Variants in CDH8 observed in about 807,000 individuals in gnomAD.
CDH8 encodes the protein cadherin-8.
Under a neutral mutation model 68.1 loss-of-function variants are expected in CDH8, and 17 were observed. The ratio of observed to expected loss-of-function variants is 0.25; its 90% CI spans 0.17 to 0.37. The LOEUF (loss-of-function observed/expected upper bound fraction) is 0.37. Among genes scored for constraint, CDH8 ranks in the 10% least tolerant of loss-of-function variants. CDH8 has a pLI of 1.00. For missense variants in CDH8, 763 were observed against 999.3 expected, an observed-to-expected ratio of 0.76 and a Z score of 3.19; for synonymous variants, 372 against 365.1, an observed-to-expected ratio of 1.02 and a Z score of -0.21.
At chr16:61,845,397 T>C (rs1266947400) in intron 4 of CDH8, among the ~76,000 whole-genome samples, 1 of 149,156 alleles carries the variant, frequency 6.7e-6, no homozygotes, top group African/African-American at 2.5e-5. Context: ...ACAGCAACAA[T>C]ATTAAAGTTA....
At chr16:61,848,146 A>ATT (rs1962852407) in intron 4 of CDH8, among the ~76,000 whole-genome samples, 1 of 152,126 alleles carries the variant, frequency 6.6e-6, no homozygotes. Context: ...TTCTGAAGGG[A>ATT]CATGATACAT....
intron 3 of CDH8, among the ~76,000 whole-genome samples, chr16:61,877,270 T>G (rs1681009284): frequency 6.6e-6 from 1 of 151,434 alleles, no homozygotes; most frequent in Non-Finnish European, 1.5e-5. Flanking sequence ...ACTGACAAAT[T>G]CATAAGAAAA....
rs1401424274 is a variant in CDH8, at chr16:61,653,600, A to G, written c.*8T>C. On this transcript the variant is annotated 3_prime_UTR_variant, in exon 12 of 12. Transcript: ENST00000577390. ...GCTCAGTTCCAGTGATTTATTTATA[A>G]TCCACTGTCAAGTTTCTTTGTCACT... 1 of 1,599,314 alleles carries G rather than the reference A, an allele frequency of 6.3e-7. No individual in the cohort carries two copies. Among genetic ancestry groups the G allele is most frequent in the South Asian group, 1.1e-5 (1 of 88,536 alleles).
At chr16:61,710,557 C>T (rs578129321) in intron 10 of CDH8, among the ~76,000 whole-genome samples, 4 of 152,210 alleles carry the variant, frequency 2.6e-5, no homozygotes, top group South Asian at 4.1e-4. Context: ...GGTTCTCCTG[C>T]TGGGTTAAAC....
chr16:62,021,795 A>G (rs906765280), intron 1 of CDH8, among the ~76,000 whole-genome samples, 193 bp from the exon 2 acceptor site: 3 of 152,192 alleles, frequency 2.0e-5, no homozygotes, highest in African/African-American at 7.2e-5. Context: ...TTTAGATTTT[A>G]GCTTTCATTG....
intron 10 of CDH8, among the ~76,000 whole-genome samples, chr16:61,706,754 G>C (rs1021893330): frequency 2.0e-5 from 3 of 152,088 alleles, no homozygotes; most frequent in African/African-American, 7.2e-5. Context: ...TCATTGCCTG[G>C]TGTTTTTCTG....
At chr16:61,725,381 A>G (rs191138193) in intron 9 of CDH8, 1 of 151,042 alleles carries the variant, frequency 6.6e-6, no homozygotes, top group African/African-American at 2.4e-5. Context: ...AGTGAAGCCA[A>G]TGTTGAGTTT....
At chr16:61,720,397 C>A (rs1028288290) in intron 9 of CDH8, among the ~76,000 whole-genome samples, 5 of 150,948 alleles carry the variant, frequency 3.3e-5, no homozygotes, top group Non-Finnish European at 7.4e-5. Context: ...TGGCTCCCAT[C>A]CTAAATTCTT....
intron 1 of CDH8, among the ~76,000 whole-genome samples, chr16:62,024,871 C>A (rs147105307): frequency 1.5e-3 from 232 of 152,200 alleles, no homozygotes; most frequent in African/African-American, 5.4e-3. Context: ...TGAACAAGAC[C>A]GTTCCTCTCA....
At chr16:61,919,312 G>A (rs1213123080) in intron 2 of CDH8, among the ~76,000 whole-genome samples, 3 of 148,622 alleles carry the variant, frequency 2.0e-5, no homozygotes, top group Non-Finnish European at 3.0e-5. Flanking sequence ...AAAGCTGGAC[G>A]GAGAATGACT....
At chr16:61,740,341 G>A (rs1228655781) in intron 8 of CDH8, among the ~76,000 whole-genome samples, 1 of 151,934 alleles carries the variant, frequency 6.6e-6, no homozygotes, top group Non-Finnish European at 1.5e-5. Context: ...AATTTTAATA[G>A]TCATATATTT....
intron 8 of CDH8, among the ~76,000 whole-genome samples, chr16:61,783,902 C>T (rs1171535639): frequency 1.3e-5 from 2 of 152,102 alleles, no homozygotes; most frequent in Non-Finnish European, 2.9e-5. Flanking sequence ...ATTTTGTCAC[C>T]ACCAGGACTG....
intron 10 of CDH8, among the ~76,000 whole-genome samples, chr16:61,695,095 T>A (rs1162044463): frequency 3.3e-5 from 5 of 152,090 alleles, no homozygotes; most frequent in Non-Finnish European, 7.4e-5. Flanking sequence ...TTCTTCTTTT[T>A]TTTTTAGTGG....
intron 7 of CDH8, among the ~76,000 whole-genome samples, chr16:61,796,080 T>C (rs1596974992): frequency 6.6e-6 from 1 of 151,944 alleles, no homozygotes; most frequent in African/African-American, 2.4e-5. Flanking sequence ...TGAACACTTA[T>C]TAAGCATGGA....
chr16:61,799,454 A>G (rs919100601), intron 7 of CDH8, among the ~76,000 whole-genome samples: 2 of 152,100 alleles, frequency 1.3e-5, no homozygotes, highest in Non-Finnish European at 2.9e-5. Context: ...TTTTCATTTA[A>G]TCTTTCCTAT....
intron 2 of CDH8, among the ~76,000 whole-genome samples, chr16:61,949,987 T>TA (rs111704119): frequency 0.013 from 1,928 of 143,816 alleles, 11 homozygotes; most frequent in African/African-American, 0.028. Flanking sequence ...GACCCTGTCT[T>TA]AAAAAAAAAA....
intron 4 of CDH8, among the ~76,000 whole-genome samples, chr16:61,826,099 T>C (rs1005662030): frequency 2.4e-4 from 36 of 151,528 alleles, no homozygotes; most frequent in African/African-American, 8.2e-4. Context: ...GGCCATGATA[T>C]GTACATACCC....
intron 2 of CDH8, among the ~76,000 whole-genome samples, chr16:61,992,634 G>C (rs781030213): frequency 9.5e-6 from 1 of 105,358 alleles, no homozygotes; most frequent in Non-Finnish European, 2.2e-5. Context: ...AAAATTCAAC[G>C]AAGTCAAGAA....
At chr16:61,672,718 A>G (rs1453279086) in intron 10 of CDH8, among the ~76,000 whole-genome samples, 1 of 152,060 alleles carries the variant, frequency 6.6e-6, no homozygotes, top group Non-Finnish European at 1.5e-5. Context: ...GAAGCCTCAT[A>G]GTTGATATAT....
Sources: gnomAD v4.1 joint callset for allele counts (sites outside exome capture counted in the v4.1 genomes callset) on GRCh38, gnomAD v4.1.1 for gene constraint, MANE v1.5 for transcripts, NCBI Gene and HGNC (gene_info 2026-07-23, HGNC 2026-07-21) for gene names.